Variants in AGO1 observed in about 807,000 individuals in gnomAD.
AGO1 encodes the protein protein argonaute-1.
Under a neutral mutation model 109.2 loss-of-function variants are expected in AGO1, and 11 were observed. That is an observed-to-expected ratio of 0.10 (90% CI 0.06 to 0.17). AGO1 has a LOEUF of 0.17. AGO1 is among the 10% of genes least tolerant of loss of function. The probability of loss-of-function intolerance (pLI) is 1.00; values close to 1 mark genes in which losing one functional copy is unlikely to be tolerated. For synonymous variants in AGO1, 422 were observed against 418.6 expected (o/e 1.01, Z -0.10); for missense variants, 574 against 1,140.3 (o/e 0.50, Z 7.15).
chr1:35,924,490 A>G lies in AGO1; in HGVS notation c.*4883A>G, dbSNP rs1645890925. 6.6e-6 allele frequency: 1 copy of G among 152,242 alleles called. No individual in the cohort carries two copies. Among genetic ancestry groups the G allele is most frequent in the South Asian group, 2.1e-4 (1 of 4,828 alleles). The allele number at this position is 152,242 out of a possible 1,614,324, so 9.4% of individuals were successfully genotyped here. On this transcript the variant is annotated 3_prime_UTR_variant, in exon 19 of 19. Coordinates refer to ENST00000373204, the MANE Select transcript of AGO1 (RefSeq NM_012199.5). Reference sequence around the variant, plus strand: ...GCAGTATTGTGGGGAGGGGAGGCACAATTCAAAATGAGGAAAATAGTGTCC... The same window carrying G: ...GCAGTATTGTGGGGAGGGGAGGCACGATTCAAAATGAGGAAAATAGTGTCC...
chr1:35,893,169 A>T lies in AGO1; in HGVS notation c.403A>T (p.Ile135Phe). The T allele has an allele frequency of 6.2e-7, 1 of 1,614,134 alleles. No homozygotes were observed. The highest frequency in any genetic ancestry group is 8.5e-7 in the Non-Finnish European group (1 of 1,180,016). ...IFKVSIKWLAIVSWRMLHEAL... is the reference protein window; with the variant it reads ...IFKVSIKWLAFVSWRMLHEAL... ...TAAGGTCTCCATCAAGTGGCTAGCC[A>T]TTGTGAGCTGGCGAATGCTGCATGA... Residue 135 changes from isoleucine (I) to phenylalanine (F), a missense_variant, in exon 4 of 19, where the codon ATT (isoleucine) becomes TTT (phenylalanine). Ile to Phe is a conservative substitution (Grantham distance 21). This residue lies in a region of AGO1 where 129 missense variants were observed against 243.0 expected (regional missense o/e 0.53). Transcript: ENST00000373204. The surrounding 1 kb of genome is among the most constrained non-coding windows in gnomAD (Gnocchi z 5.6).
chr1:35,888,464 C>T lies in AGO1; in HGVS notation c.63C>T (p.Phe21=), dbSNP rs76388453. 1 of 1,614,200 alleles carries T rather than the reference C, an allele frequency of 6.2e-7. No individual in the cohort carries two copies. Among genetic ancestry groups the T allele is most frequent in the Non-Finnish European group, 8.5e-7 (1 of 1,180,028 alleles). ...ACCTGCCCCCCCTGCAGCAGGTGTTCCAGGCACCTCGCCGGCCTGGCATTG... is the reference window on the plus strand; with the variant it reads ...ACCTGCCCCCCCTGCAGCAGGTGTTTCAGGCACCTCGCCGGCCTGGCATTG... ...GAYLPPLQQV[F]QAPRRPGIGT... is the part of the protein sequence containing the mutation. Residue 21 remains phenylalanine, a synonymous_variant, in exon 2 of 19, where the codon TTC becomes TTT. Coordinates refer to ENST00000373204, the MANE Select transcript of AGO1 (RefSeq NM_012199.5). The surrounding 1 kb of genome is among the most constrained non-coding windows in gnomAD (Gnocchi z 4.1).
chr1:35,879,741 A>AC (rs895239185), upstream of AGO1, among the ~76,000 whole-genome samples: 2 of 134,070 alleles, frequency 1.5e-5, no homozygotes, highest in Admixed American at 7.3e-5. Flanking sequence ...TCTCAAAAAA[A>AC]AAAAAAAAAA....
chr1:35,915,361 T>A lies in AGO1; in HGVS notation c.1847T>A (p.Met616Lys), dbSNP rs756572252. 1 of 1,613,710 alleles carries A rather than the reference T, an allele frequency of 6.2e-7. No individual in the cohort carries two copies. The highest frequency in any genetic ancestry group is 1.7e-5 in the Admixed American group (1 of 60,018). Residue 616 changes from methionine to lysine, a missense_variant, in exon 15 of 19, where the codon ATG becomes AAG. Physicochemically the swap from Met to Lys is moderately conservative, Grantham distance 95 (BLOSUM62 -1). This residue lies in a region of AGO1 where 68 missense variants were observed against 200.2 expected (regional missense o/e 0.34). Transcript: ENST00000373204. Reference sequence around the variant, plus strand: ...TCTGACTGTCAGGTGGTAGGCAGTATGGATGCCCACCCCAGCCGATACTGT... The same window carrying A: ...TCTGACTGTCAGGTGGTAGGCAGTAAGGATGCCCACCCCAGCCGATACTGT... Reference protein sequence around the residue: ...KPSITAVVGSMDAHPSRYCAT... With the variant: ...KPSITAVVGSKDAHPSRYCAT...
At position 35,883,481 on chromosome 1, in the gene AGO1, C is replaced by T. The variant is rs1010529726; in HGVS notation, c.25+35C>T. 1.3e-6 allele frequency: 2 copies of T among 1,537,330 alleles called. No individual in the cohort carries two copies. Among genetic ancestry groups the T allele is most frequent in the Non-Finnish European group, 1.7e-6 (2 of 1,149,176 alleles). ...CCCAGGAGGGGGAACGGTGCATGCT[C>T]CAAGGACTGGGGGATCCCGCATGAA... On this transcript the variant is annotated intron_variant, in intron 1 of 18. Transcript: ENST00000373204. This position sits in a 1 kb window ranked among gnomAD's most constrained non-coding sequence, Gnocchi z 5.4.
At chr1:35,887,516 T>G (rs1413465420) in intron 1 of AGO1, among the ~76,000 whole-genome samples, 2 of 152,194 alleles carry the variant, frequency 1.3e-5, no homozygotes, top group African/African-American at 2.4e-5. Context: ...ATTGATCTCT[T>G]CTGCTGCTGT....
Position 35,927,989 on chromosome 1 carries a change from T to C in AGO1, c.*8382T>C, listed in dbSNP as rs1458699622. The C allele has an allele frequency of 6.6e-6, 1 of 152,218 alleles. No homozygotes were observed. Among genetic ancestry groups the C allele is most frequent in the Admixed American group, 6.5e-5 (1 of 15,284 alleles). The allele number at this position is 152,218 out of a possible 1,614,324, so 9.4% of individuals were successfully genotyped here. On this transcript the variant is annotated 3_prime_UTR_variant, in exon 19 of 19. Transcript: ENST00000373204. Reference sequence around the variant, plus strand: ...AATCTTGGCCCATGTGAGAGGATTGTACTCAGTTGCTCTCCTCATCCAGTG... The same window carrying C: ...AATCTTGGCCCATGTGAGAGGATTGCACTCAGTTGCTCTCCTCATCCAGTG...
chr1:35,891,787 C>G (rs1307826205), intron 2 of AGO1, among the ~76,000 whole-genome samples: 1 of 152,018 alleles, frequency 6.6e-6, no homozygotes. Context: ...CTGGTCTCAA[C>G]CTTGGGAGCT....
intron 2 of AGO1, among the ~76,000 whole-genome samples, chr1:35,891,763 C>G (rs781277681): frequency 6.6e-6 from 1 of 152,056 alleles, no homozygotes; most frequent in Non-Finnish European, 1.5e-5. Flanking sequence ...TGGAGTTTCT[C>G]CATGTTGCCC....
At chr1:35,909,889 A>G (rs1232202334) in intron 12 of AGO1, among the ~76,000 whole-genome samples, 1 of 151,928 alleles carries the variant, frequency 6.6e-6, no homozygotes, top group African/African-American at 2.4e-5. Context: ...ATAAGTATTC[A>G]TGTTTCTGAT....
chr1:35,909,848 A>G (rs755783906), intron 12 of AGO1, among the ~76,000 whole-genome samples: 8 of 152,064 alleles, frequency 5.3e-5, no homozygotes, highest in Non-Finnish European at 1.2e-4. Context: ...CCTTGTATGG[A>G]TAAGGATGCT....
intron 1 of AGO1, among the ~76,000 whole-genome samples, chr1:35,877,307 G>T (rs2148703988): frequency 6.6e-6 from 1 of 152,268 alleles, no homozygotes; most frequent in East Asian, 1.9e-4. Context: ...TTTTATGCAA[G>T]AATATTACTA....
intron 6 of AGO1, 27 bp downstream of exon 6, chr1:35,894,198 A>T: frequency 6.4e-7 from 1 of 1,568,524 alleles, no homozygotes; most frequent in South Asian, 1.2e-5. Context: ...AGGGGAAGGG[A>T]AACAGCGCCA....
upstream of AGO1, among the ~76,000 whole-genome samples, chr1:35,880,318 G>C (rs1645024895): frequency 1.3e-5 from 2 of 152,192 alleles, no homozygotes; most frequent in South Asian, 2.1e-4. Context: ...GGGAGGCTGA[G>C]GCAGGGGGAT....
At chr1:35,881,081 C>G (rs925011989), upstream of AGO1, among the ~76,000 whole-genome samples, 1 of 152,196 alleles carries the variant, frequency 6.6e-6, no homozygotes. Flanking sequence ...AATAATGTGC[C>G]TACTATTACA....
At chr1:35,876,554 C>G (rs778747349) in intron 1 of AGO1, among the ~76,000 whole-genome samples, 3 of 152,176 alleles carry the variant, frequency 2.0e-5, no homozygotes, top group Admixed American at 6.5e-5. Context: ...GTGTGAGCCA[C>G]TGTGCCCGGC....
intron 8 of AGO1, 81 bp downstream of exon 8, chr1:35,895,350 T>C: frequency 6.9e-7 from 1 of 1,458,862 alleles, no homozygotes; most frequent in Non-Finnish European, 9.1e-7. Flanking sequence ...TCTTTCATTT[T>C]GAAGTTTGGA....
In AGO1 at chr1:35,901,589, G is replaced by C; in HGVS notation, c.1136G>C (p.Arg379Pro). 1 of 1,614,100 alleles carries C rather than the reference G, an allele frequency of 6.2e-7. No homozygotes were observed. Among genetic ancestry groups the C allele is most frequent in the Non-Finnish European group, 8.5e-7 (1 of 1,180,002 alleles). The stretch of plus-strand genomic sequence containing the variant: ...CCAGACAGACAGGAGGAGATCAGTC[G>C]CCTGGTCAGTGGGCCTACTCATTTG... ...SAPDRQEEISRLMKNASYNLD... is the reference protein window; with the variant it reads ...SAPDRQEEISPLMKNASYNLD... The change falls in exon 9 of 19, where the codon CGC (arginine) becomes CCC (proline). Residue 379 changes from arginine (R) to proline (P), a missense_variant. Arg to Pro is a moderately radical substitution (Grantham distance 103). Around this residue, in one of 8 missense-constraint regions of AGO1, gnomAD observed 106 missense variants for 147.8 expected, o/e 0.72. Transcript: ENST00000373204. This position sits in a 1 kb window ranked among gnomAD's most constrained non-coding sequence, Gnocchi z 4.8.
At chr1:35,882,300 A>C (rs1373066881), upstream of AGO1, among the ~76,000 whole-genome samples, 1 of 152,122 alleles carries the variant, frequency 6.6e-6, no homozygotes, top group Admixed American at 6.5e-5. The surrounding 1 kb of genome is among the most constrained non-coding windows in gnomAD (Gnocchi z 5.1). Flanking sequence ...TGAGACCTTT[A>C]AGGGGAGAGT....
Sources: allele counts gnomAD v4.1 joint callset (sites outside exome capture counted in the v4.1 genomes callset), GRCh38; gene constraint gnomAD v4.1.1; regional missense constraint gnomAD v4.1.1; non-coding constraint Gnocchi (gnomAD v3.1); transcripts MANE v1.5; gene names NCBI Gene and HGNC (gene_info 2026-07-23, HGNC 2026-07-21).